TUSC3: variants seen among roughly 807,000 people sequenced by gnomAD.
TUSC3 encodes the protein dolichyl-diphosphooligosaccharide--protein glycosyltransferase subunit TUSC3.
Under a neutral mutation model 44.8 loss-of-function variants are expected in TUSC3, and 45 were observed. That is an observed-to-expected ratio of 1.00 (90% CI 0.79 to 1.29). The LOEUF is 1.29. Among genes scored for constraint, TUSC3 ranks in the 50% most tolerant of loss-of-function variants. TUSC3 has a pLI of 0.00. For synonymous variants in TUSC3, 212 were observed against 152.9 expected, an observed-to-expected ratio of 1.39 and a Z score of -2.85; for missense variants, 519 against 437.9, an observed-to-expected ratio of 1.19 and a Z score of -1.65.
intron 1 of TUSC3, among the ~76,000 whole-genome samples, chr8:15,457,401 T>C (rs993449916): frequency 6.6e-6 from 1 of 151,836 alleles, no homozygotes; most frequent in African/African-American, 2.4e-5. Flanking sequence ...AATAATCATA[T>C]GTGATTGGTA....
the TUSC3 span, among the ~76,000 whole-genome samples, chr8:15,784,818 A>T: frequency 6.6e-6 from 1 of 152,132 alleles, no homozygotes; most frequent in Non-Finnish European, 1.5e-5. Flanking sequence ...TAGGAAAAGT[A>T]AGTTCTGGTT....
At chr8:15,754,044 G>A (rs1477095802) in intron 9 of TUSC3, among the ~76,000 whole-genome samples, 1 of 152,040 alleles carries the variant, frequency 6.6e-6, no homozygotes, top group Non-Finnish European at 1.5e-5. Flanking sequence ...GAATATTTTG[G>A]TATTCCTGGA....
intron 1 of TUSC3, among the ~76,000 whole-genome samples, chr8:15,590,372 C>G (rs989698789): frequency 3.3e-5 from 5 of 152,126 alleles, no homozygotes; most frequent in African/African-American, 7.2e-5. Context: ...AAAACCCAAG[C>G]TTTAGGCCAT....
At chr8:15,712,257 T>G (rs1809884804) in intron 6 of TUSC3, among the ~76,000 whole-genome samples, 1 of 152,030 alleles carries the variant, frequency 6.6e-6, no homozygotes, top group Non-Finnish European at 1.5e-5. Context: ...TTCCTTGTTT[T>G]AATGCTTTTG....
the TUSC3 span, among the ~76,000 whole-genome samples, chr8:15,777,119 T>G: frequency 2.0e-5 from 3 of 152,164 alleles, no homozygotes; most frequent in Non-Finnish European, 4.4e-5. Flanking sequence ...CAAAGAAGAC[T>G]TTTCCTGGCC....
At chr8:15,428,768 C>G (rs1314586379) in intron 1 of TUSC3, among the ~76,000 whole-genome samples, 1 of 152,114 alleles carries the variant, frequency 6.6e-6, no homozygotes. Flanking sequence ...TAAATGTCGT[C>G]TTTTGAGAAG....
At chr8:15,529,759 T>C (rs1801426053) in intron 2 of TUSC3, among the ~76,000 whole-genome samples, 1 of 150,552 alleles carries the variant, frequency 6.6e-6, no homozygotes, top group African/African-American at 2.4e-5. Context: ...GAATACAGGT[T>C]GCCATATGTA....
chr8:15,671,332 T>C (rs944623612), intron 5 of TUSC3, among the ~76,000 whole-genome samples: 3 of 151,984 alleles, frequency 2.0e-5, no homozygotes, highest in Non-Finnish European at 4.4e-5. Context: ...TAAATAAAAA[T>C]ATTTTAGTCA....
downstream of TUSC3, among the ~76,000 whole-genome samples, chr8:15,769,035 C>T (rs1309553443): frequency 6.6e-6 from 1 of 152,064 alleles, no homozygotes; most frequent in Non-Finnish European, 1.5e-5. Flanking sequence ...TATCCATCAA[C>T]CTGCCATTGA....
chr8:15,499,569 A>T (rs1366951465), intron 2 of TUSC3, among the ~76,000 whole-genome samples: 1 of 152,184 alleles, frequency 6.6e-6, no homozygotes, highest in African/African-American at 2.4e-5. Flanking sequence ...GCATTCTGTC[A>T]TTCAACATAA....
the TUSC3 span, among the ~76,000 whole-genome samples, chr8:15,787,820 C>A: frequency 6.6e-6 from 1 of 152,170 alleles, no homozygotes; most frequent in East Asian, 1.9e-4. Context: ...GTAATTTCTT[C>A]CCATTCTTCA....
intron 2 of TUSC3, among the ~76,000 whole-genome samples, chr8:15,532,421 T>C (rs1297168694): frequency 1.3e-5 from 2 of 152,180 alleles, no homozygotes; most frequent in Non-Finnish European, 2.9e-5. Context: ...TTAGGAGGTT[T>C]ATTTGCCAAA....
chr8:15,429,609 A>G (rs1366996313), intron 1 of TUSC3, among the ~76,000 whole-genome samples: 3 of 151,560 alleles, frequency 2.0e-5, no homozygotes, highest in East Asian at 1.9e-4. Context: ...ACCCATGAAC[A>G]TGGACTGTTC....
At chr8:15,660,916 A>AC (rs985664710) in intron 4 of TUSC3, among the ~76,000 whole-genome samples, 1 of 151,474 alleles carries the variant, frequency 6.6e-6, no homozygotes, top group Non-Finnish European at 1.5e-5. Flanking sequence ...AAAAAAAAAA[A>AC]AAAAACCCAT....
chr8:15,795,211 T>C, the TUSC3 span, among the ~76,000 whole-genome samples: 1 of 152,152 alleles, frequency 6.6e-6, no homozygotes. Context: ...ATCGACCTTT[T>C]CACTTCACCC....
chr8:15,674,987 C>G (rs192965884), intron 6 of TUSC3, among the ~76,000 whole-genome samples: 407 of 152,104 alleles, frequency 2.7e-3, no homozygotes, highest in African/African-American at 9.1e-3. Context: ...TCCTCTCTTC[C>G]TCCTCCCTGG....
chr8:15,810,320 A>C, the TUSC3 span, among the ~76,000 whole-genome samples: 1 of 152,146 alleles, frequency 6.6e-6, no homozygotes, highest in Non-Finnish European at 1.5e-5. Flanking sequence ...AATTCACTAT[A>C]TATGAGATGT....
At chr8:15,821,956 C>T in the TUSC3 span, among the ~76,000 whole-genome samples, 53 of 152,164 alleles carry the variant, frequency 3.5e-4, no homozygotes, top group African/African-American at 1.2e-3. Flanking sequence ...CTTGGGATGC[C>T]GTTGCACATC....
chr8:15,662,144 G>A lies in TUSC3; in HGVS notation c.568-12G>A, dbSNP rs371360204. The A allele has an allele frequency of 1.2e-6, 2 of 1,612,174 alleles. No homozygotes were observed. The highest frequency in any genetic ancestry group is 1.3e-5 in the African/African-American group (1 of 74,860). ...TTCTTTCATTTTTGAAATTTCTATT[G>A]CATTTTTGCAGATTCGGGTTTTCAG... is the stretch of plus-strand genomic sequence containing the variant. On this transcript the variant is annotated splice_polypyrimidine_tract_variant and intron_variant, in intron 4 of 10. Transcript: ENST00000503731.
Sources: allele counts gnomAD v4.1 joint callset (sites outside exome capture counted in the v4.1 genomes callset), GRCh38; gene constraint gnomAD v4.1.1; transcripts MANE v1.5; gene names NCBI Gene and HGNC (gene_info 2026-07-23, HGNC 2026-07-21).